PKNOX2: variants seen among roughly 807,000 people sequenced by gnomAD.
The protein encoded by PKNOX2 is homeobox protein PKNOX2.
Under a neutral mutation model 53.1 loss-of-function variants are expected in PKNOX2, and 14 were observed. That is an observed-to-expected ratio of 0.26 (90% CI 0.17 to 0.41). The LOEUF (loss-of-function observed/expected upper bound fraction) is 0.41, where lower values mean the gene tolerates loss of function less well. Among genes scored for constraint, PKNOX2 ranks in the 10% least tolerant of loss-of-function variants. The pLI is 1.00. For missense variants in PKNOX2, 496 were observed against 602.8 expected (o/e 0.82, Z 1.85); for synonymous variants, 257 against 242.8 (o/e 1.06, Z -0.54).
At chr11:125,377,505 G>A (rs1349924176) in intron 5 of PKNOX2, among the ~76,000 whole-genome samples, 4 of 152,288 alleles carry the variant, frequency 2.6e-5, no homozygotes, top group East Asian at 1.9e-4. Flanking sequence ...ATGGGCACAC[G>A]AGAGCAAAGG....
At chr11:125,379,834 A>G (rs1953103042) in intron 5 of PKNOX2, among the ~76,000 whole-genome samples, 1 of 152,230 alleles carries the variant, frequency 6.6e-6, no homozygotes, top group South Asian at 2.1e-4. Flanking sequence ...ACGATGGCTT[A>G]AACCCCTGTA....
At chr11:125,411,017 A>C (rs1955477695) in intron 9 of PKNOX2, 141 bp downstream of exon 9, 1 of 697,946 alleles carries the variant, frequency 1.4e-6, no homozygotes. Flanking sequence ...CCTACTTTAC[A>C]GATAAGAAGC....
chr11:125,307,300 T>C (rs1948526885), intron 2 of PKNOX2, among the ~76,000 whole-genome samples: 2 of 152,164 alleles, frequency 1.3e-5, no homozygotes, highest in Non-Finnish European at 2.9e-5. Context: ...AAAGGGAGCC[T>C]GGGTGCGGTG....
intron 2 of PKNOX2, among the ~76,000 whole-genome samples, chr11:125,272,708 A>G (rs545358335): frequency 1.3e-5 from 2 of 152,298 alleles, no homozygotes; most frequent in East Asian, 3.9e-4. Context: ...CAAGAGGAAC[A>G]GCCGCCTTCT....
intron 10 of PKNOX2, among the ~76,000 whole-genome samples, chr11:125,412,714 C>T (rs1365963022): frequency 1.3e-5 from 2 of 152,122 alleles, no homozygotes; most frequent in Non-Finnish European, 2.9e-5. Context: ...CGAGCTCCTG[C>T]CCTGGCATGT....
intron 2 of PKNOX2, among the ~76,000 whole-genome samples, chr11:125,295,230 T>C (rs112671477): frequency 1.1e-4 from 16 of 152,178 alleles, no homozygotes; most frequent in African/African-American, 3.4e-4. Context: ...CTGACAACAA[T>C]GAACAAGGTA....
chr11:125,264,665 C>A (rs1463408841), intron 2 of PKNOX2, among the ~76,000 whole-genome samples: 1 of 151,686 alleles, frequency 6.6e-6, no homozygotes, highest in Non-Finnish European at 1.5e-5. Flanking sequence ...GTTCTCCCTT[C>A]CCCACCCCCC....
intron 7 of PKNOX2, among the ~76,000 whole-genome samples, chr11:125,401,118 G>C (rs1954722459): frequency 6.6e-6 from 1 of 152,114 alleles, no homozygotes; most frequent in Admixed American, 6.5e-5. Flanking sequence ...AGGAGGAAAG[G>C]AGAAATAGGA....
At position 125,165,218 on chromosome 11, in the gene PKNOX2, G is replaced by C. The variant is rs2135145916; in HGVS notation, c.-201+442G>C. 6.6e-6 allele frequency among the ~76,000 whole-genome samples: 1 copy of C among 151,752 alleles called. No homozygotes were observed. Among genetic ancestry groups the C allele is most frequent in the East Asian group, 1.9e-4 (1 of 5,138 alleles). ...GGCCGCGCATTGTCCTCGGGTGCAA[G>C]GAGCCGGGCTGCGGACTCGAATCGC... On this transcript the variant is annotated intron_variant, in intron 1 of 12. Coordinates refer to ENST00000298282, the MANE Select transcript of PKNOX2 (RefSeq NM_001382323.2). This position sits in a 1 kb window ranked among gnomAD's most constrained non-coding sequence, Gnocchi z 4.5.
chr11:125,239,562 C>T (rs1257425703), intron 2 of PKNOX2: 1 of 152,216 alleles, frequency 6.6e-6, no homozygotes. Context: ...TGGATCTTCC[C>T]ATTACCTTTG....
At chr11:125,341,767 C>G (rs893020307) in intron 3 of PKNOX2, among the ~76,000 whole-genome samples, 4 of 152,236 alleles carry the variant, frequency 2.6e-5, no homozygotes, top group Non-Finnish European at 4.4e-5. Context: ...GCAAAAGGCA[C>G]GAGAGCATCT....
rs1775582702 is a variant in PKNOX2 at position 125,166,760 on chromosome 11, C to T, written c.-201+1984C>T. ...CGCGCCGGACTGAGAAGCCCACAAA[C>T]CCGGCCTTTGGTGCGCCCGGGGGAG... On this transcript the variant is annotated intron_variant, in intron 1 of 12. Coordinates refer to ENST00000298282, the MANE Select transcript of PKNOX2 (RefSeq NM_001382323.2). The surrounding 1 kb of genome is among the most constrained non-coding windows in gnomAD (Gnocchi z 4.0). 1.3e-5 allele frequency among the ~76,000 whole-genome samples: 2 copies of T among 152,218 alleles called. No individual in the cohort carries two copies. Among genetic ancestry groups the T allele is most frequent in the African/African-American group, 4.8e-5 (2 of 41,462 alleles).
intron 2 of PKNOX2, among the ~76,000 whole-genome samples, chr11:125,290,485 A>T (rs548295675): frequency 6.6e-6 from 1 of 152,324 alleles, no homozygotes; most frequent in East Asian, 1.9e-4. Context: ...ATGATAAAGG[A>T]ATGAATAAAT....
chr11:125,270,207 A>G (rs779815714), intron 2 of PKNOX2, among the ~76,000 whole-genome samples: 8 of 152,232 alleles, frequency 5.3e-5, no homozygotes, highest in Non-Finnish European at 1.2e-4. Flanking sequence ...CCTCGCAGAT[A>G]AGATTGCAAC....
intron 1 of PKNOX2, among the ~76,000 whole-genome samples, chr11:125,212,007 T>C (rs1403778193): frequency 1.3e-5 from 2 of 152,124 alleles, no homozygotes; most frequent in Non-Finnish European, 2.9e-5. Flanking sequence ...TCTGTTTGGA[T>C]TGTATGCTAA....
At chr11:125,263,275 C>T (rs963047949) in intron 2 of PKNOX2, among the ~76,000 whole-genome samples, 1 of 152,242 alleles carries the variant, frequency 6.6e-6, no homozygotes, top group African/African-American at 2.4e-5. Flanking sequence ...CCCACCCCAC[C>T]CCCATCCTGC....
intron 1 of PKNOX2, chr11:125,184,385 G>A (rs1406139759): frequency 6.6e-6 from 1 of 152,212 alleles, no homozygotes; most frequent in Non-Finnish European, 1.5e-5. Context: ...CCACACAGCT[G>A]GTAAGTTGAG....
chr11:125,209,358 G>C (rs1204413497), intron 1 of PKNOX2, among the ~76,000 whole-genome samples: 5 of 152,002 alleles, frequency 3.3e-5, no homozygotes, highest in Non-Finnish European at 7.4e-5. Context: ...GTAGATCAAG[G>C]CTGGTAGCCC....
At chr11:125,178,645 A>AAGGAAGGAAG (rs1955913784) in intron 1 of PKNOX2, among the ~76,000 whole-genome samples, 2 of 28,566 alleles carry the variant, frequency 7.0e-5, no homozygotes, top group Non-Finnish European at 1.2e-4. Context: ...AAAGAAAGAA[A>AAGGAAGGAAG]GAAGGAAGGA....
Sources: gnomAD v4.1 joint callset for allele counts (sites outside exome capture counted in the v4.1 genomes callset) on GRCh38, gnomAD v4.1.1 for gene constraint, Gnocchi (gnomAD v3.1) non-coding constraint, MANE v1.5 for transcripts, NCBI Gene and HGNC (gene_info 2026-07-23, HGNC 2026-07-21) for gene names.